Variants in ZFHX3 observed in about 807,000 individuals in gnomAD.
The protein encoded by ZFHX3 is zinc finger homeobox protein 3.
In ZFHX3, 42 loss-of-function variants were observed where a neutral mutation model predicts 279.1. That is an observed-to-expected ratio of 0.15 (90% CI 0.12 to 0.19). The LOEUF (loss-of-function observed/expected upper bound fraction) is 0.19, where lower values mean the gene tolerates loss of function less well. Ranked by LOEUF, ZFHX3 falls within the 10% of genes least tolerant of loss-of-function variation. The probability of loss-of-function intolerance (pLI) is 1.00; values close to 1 mark genes in which losing one functional copy is unlikely to be tolerated. For missense variants in ZFHX3, 4,981 were observed against 4,754.0 expected, an observed-to-expected ratio of 1.05 and a Z score of -1.40; for synonymous variants, 2,293 against 1,957.8, an observed-to-expected ratio of 1.17 and a Z score of -4.52.
At chr16:73,328,458 T>C (rs1254855034) in intron 3 of ZFHX3, among the ~76,000 whole-genome samples, 4 of 152,222 alleles carry the variant, frequency 2.6e-5, no homozygotes. Flanking sequence ...AGGTTTGGTG[T>C]GGATTAACTC....
intron 1 of ZFHX3, among the ~76,000 whole-genome samples, chr16:73,743,537 TTTC>T (rs1273976576): frequency 6.6e-6 from 1 of 152,196 alleles, no homozygotes; most frequent in Non-Finnish European, 1.5e-5. Context: ...AGAATGCCTA[TTTC>T]TCTGTCCTCT....
At chr16:73,081,835 CTTT>C (rs369769502) in intron 8 of ZFHX3, among the ~76,000 whole-genome samples, 2 of 132,994 alleles carry the variant, frequency 1.5e-5, no homozygotes, top group Admixed American at 7.6e-5. Context: ...TTGTCCACAT[CTTT>C]TTTTTTTTTT....
At chr16:73,389,104 A>G (rs1291928862) in intron 3 of ZFHX3, 1 of 152,238 alleles carries the variant, frequency 6.6e-6, no homozygotes, top group Non-Finnish European at 1.5e-5. Context: ...ACACTCACAC[A>G]TACGTGCGGT....
chr16:73,830,573 G>A (rs992016364), intron 1 of ZFHX3, among the ~76,000 whole-genome samples: 1 of 152,052 alleles, frequency 6.6e-6, no homozygotes, highest in African/African-American at 2.4e-5. Context: ...ATTTTGTGGA[G>A]GATTTTATTC....
chr16:73,057,936 C>T (rs942768209), intron 1 of ZFHX3, among the ~76,000 whole-genome samples: 4 of 148,186 alleles, frequency 2.7e-5, no homozygotes, highest in Non-Finnish European at 6.0e-5. Flanking sequence ...CCCCGCGCGG[C>T]TGCTCAGCCC....
intron 2 of ZFHX3, among the ~76,000 whole-genome samples, chr16:73,512,727 A>AC (rs2019455108): frequency 6.6e-6 from 1 of 152,320 alleles, no homozygotes. Context: ...TCTGTAGTAA[A>AC]CAGGCAAGAG....
intron 3 of ZFHX3, among the ~76,000 whole-genome samples, chr16:73,443,094 G>T (rs1490395485): frequency 1.3e-5 from 2 of 152,152 alleles, no homozygotes; most frequent in African/African-American, 2.4e-5. Context: ...GAGGTATGGG[G>T]ATTAGAATTT....
At chr16:73,573,608 T>G (rs2051764471) in intron 2 of ZFHX3, among the ~76,000 whole-genome samples, 1 of 152,262 alleles carries the variant, frequency 6.6e-6, no homozygotes, top group African/African-American at 2.4e-5. Flanking sequence ...CTGCTGCCAC[T>G]GGCAGGTATC....
intron 4 of ZFHX3, among the ~76,000 whole-genome samples, chr16:73,296,501 T>G (rs2014912742): frequency 1.3e-5 from 2 of 152,174 alleles, no homozygotes. Flanking sequence ...AGAAAATTAC[T>G]CTCTTTTAGC....
At chr16:73,886,889 A>G (rs1162767468) in intron 1 of ZFHX3, among the ~76,000 whole-genome samples, 2 of 152,198 alleles carry the variant, frequency 1.3e-5, no homozygotes, top group African/African-American at 4.8e-5. Context: ...TAGCTGAAGG[A>G]CCAGTCTGTC....
At chr16:73,687,845 T>TAA (rs2053105966) in intron 1 of ZFHX3, among the ~76,000 whole-genome samples, 1 of 57,748 alleles carries the variant, frequency 1.7e-5, no homozygotes, top group African/African-American at 1.2e-4. Context: ...AGACTCTGTC[T>TAA]CAAAAAAAAA....
At position 73,623,052 on chromosome 16, in the gene ZFHX3, GT is replaced by G. The variant is rs2052380003; in HGVS notation, c.-1547+57127del. Among the ~76,000 whole-genome samples, 3 of 135,140 alleles carry G rather than the reference GT, an allele frequency of 2.2e-5. No homozygotes were observed. In the Admixed American group the frequency reaches 2.2e-4, roughly 10 times the overall value. The allele number at this position is 135,140 out of a possible 152,430, so 88.7% of individuals were successfully genotyped here. On this transcript the variant is annotated intron_variant, in intron 2 of 17. Coordinates refer to the ZFHX3 transcript ENST00000641206. ...AGGGCACATTGTATTTTTTTTTTTT[GT>G]TTAGACAGAGTCTGGCTCTTTCGCC...
intron 5 of ZFHX3, among the ~76,000 whole-genome samples, chr16:73,200,960 C>A (rs9927737): frequency 0.034 from 5,210 of 152,242 alleles, 120 homozygotes; most frequent in South Asian, 0.071. Flanking sequence ...ATGGTGCTTG[C>A]TTGCTCTGTA....
chr16:73,849,123 C>A (rs951671977), intron 1 of ZFHX3, among the ~76,000 whole-genome samples: 1 of 152,220 alleles, frequency 6.6e-6, no homozygotes, highest in Non-Finnish European at 1.5e-5. Flanking sequence ...TATGGAAAGA[C>A]AATCACCTTC....
intron 2 of ZFHX3, among the ~76,000 whole-genome samples, chr16:73,478,555 A>G (rs114472290): frequency 0.015 from 2,240 of 152,320 alleles, 54 homozygotes; most frequent in African/African-American, 0.05. Flanking sequence ...CCTATATATT[A>G]AGAGTCTCGG....
At chr16:73,612,858 T>G (rs2052260937) in intron 2 of ZFHX3, among the ~76,000 whole-genome samples, 1 of 152,074 alleles carries the variant, frequency 6.6e-6, no homozygotes, top group Non-Finnish European at 1.5e-5. Flanking sequence ...TTTTGATAGC[T>G]TTTGATATAA....
intron 4 of ZFHX3, among the ~76,000 whole-genome samples, chr16:73,306,769 C>A (rs1490554497): frequency 1.3e-5 from 2 of 152,182 alleles, no homozygotes; most frequent in Non-Finnish European, 2.9e-5. Flanking sequence ...TAGACCCTCC[C>A]ACAGGGAATC....
chr16:73,332,467 G>A (rs1296057743), intron 3 of ZFHX3, among the ~76,000 whole-genome samples: 4 of 152,162 alleles, frequency 2.6e-5, no homozygotes, highest in Non-Finnish European at 5.9e-5. Context: ...GAGTTACAGA[G>A]GGTTATACAT....
At chr16:73,079,781 A>G (rs1965925108) in intron 8 of ZFHX3, among the ~76,000 whole-genome samples, 1 of 152,204 alleles carries the variant, frequency 6.6e-6, no homozygotes, top group South Asian at 2.1e-4. Flanking sequence ...AATTTCCTGA[A>G]GAATCATTTA....
Sources: gnomAD v4.1 joint callset for allele counts (sites outside exome capture counted in the v4.1 genomes callset) on GRCh38, gnomAD v4.1.1 for gene constraint, MANE v1.5 for transcripts, NCBI Gene and HGNC (gene_info 2026-07-23, HGNC 2026-07-21) for gene names.